KDM4C: variants seen among roughly 807,000 people sequenced by gnomAD.
KDM4C encodes lysine-specific demethylase 4C.
A neutral mutation model predicts 129.3 loss-of-function variants in KDM4C; 81 were observed. That is an observed-to-expected ratio of 0.63 (90% CI 0.52 to 0.75). The LOEUF (loss-of-function observed/expected upper bound fraction) is 0.75. KDM4C is among the 30% of genes least tolerant of loss of function. The pLI is 0.00. For missense variants in KDM4C, 1,457 were observed against 1,304.0 expected (o/e 1.12, Z -1.81); for synonymous variants, 573 against 456.1 (o/e 1.26, Z -3.26).
chr9:6,944,642 C>G (rs1020425997), intron 8 of KDM4C, among the ~76,000 whole-genome samples: 2 of 96,774 alleles, frequency 2.1e-5, no homozygotes, highest in African/African-American at 3.5e-5. Context: ...CACTTTTTGT[C>G]AAGGTAGAGG....
intron 8 of KDM4C, among the ~76,000 whole-genome samples, chr9:6,953,411 T>C (rs548157870): frequency 6.6e-6 from 1 of 152,394 alleles, no homozygotes; most frequent in African/African-American, 2.4e-5. Flanking sequence ...GCTGTTTGCA[T>C]TTATTTTCAA....
intron 8 of KDM4C, among the ~76,000 whole-genome samples, chr9:6,929,494 A>G (rs1237276648): frequency 7.4e-6 from 1 of 135,146 alleles, no homozygotes; most frequent in East Asian, 2.1e-4. Flanking sequence ...TTTTTTTGGC[A>G]ACAATTCAGT....
chr9:6,792,858 G>T, intron 1 of KDM4C, 114 bp from the exon 2 acceptor site: 1 of 1,025,902 alleles, frequency 9.7e-7, no homozygotes, highest in Non-Finnish European at 1.5e-6. Context: ...AGAAGGGAAT[G>T]GGAAGTGACT....
chr9:6,872,740 C>G (rs566986891), intron 5 of KDM4C, among the ~76,000 whole-genome samples: 26 of 152,086 alleles, frequency 1.7e-4, no homozygotes, highest in Non-Finnish European at 3.8e-4. Flanking sequence ...TCCTCCATCC[C>G]TTTATTTTGA....
At chr9:7,060,772 G>C (rs138922596) in intron 17 of KDM4C, among the ~76,000 whole-genome samples, 3 of 152,032 alleles carry the variant, frequency 2.0e-5, no homozygotes, top group African/African-American at 7.3e-5. Context: ...GAGCCACTGT[G>C]CCTGGCCAGG....
At chr9:6,900,451 A>T (rs1817201694) in intron 8 of KDM4C, among the ~76,000 whole-genome samples, 1 of 152,142 alleles carries the variant, frequency 6.6e-6, no homozygotes, top group African/African-American at 2.4e-5. Context: ...ACTCTATCTC[A>T]CAATTGGTTG....
chr9:7,142,499 A>G (rs1457132284), intron 19 of KDM4C, among the ~76,000 whole-genome samples: 1 of 152,118 alleles, frequency 6.6e-6, no homozygotes, highest in African/African-American at 2.4e-5. Context: ...TGCATCTGCT[A>G]TGTTGCCCTG....
At chr9:6,834,873 T>A (rs1170260092) in intron 4 of KDM4C, 1 of 1,320,776 alleles carries the variant, frequency 7.6e-7, no homozygotes, top group East Asian at 2.3e-5. Context: ...CAGCCCGTGC[T>A]GTCCCTGTAC....
In KDM4C at chr9:6,771,080, CTTTTTTTTTT is replaced by C. The variant is rs35945405; in HGVS notation, c.-18+12897_-18+12906del. Among the ~76,000 whole-genome samples, 355 of 56,968 alleles carry C rather than the reference CTTTTTTTTTT, an allele frequency of 6.2e-3. 10 individuals are homozygous for C. Among genetic ancestry groups the C allele is most frequent in the African/African-American group, 0.025 (327 of 13,244 alleles). 37.4% of individuals were successfully genotyped at this position (56,968 alleles called of 152,430 possible). On this transcript the variant is annotated intron_variant, in intron 1 of 21. Transcript: ENST00000381309. ...TGAGCCACTGCGCCCGACTGTGAAT[CTTTTTTTTTT>C]TTTTTTTTTTTTTTTTTTTAAGAGA...
chr9:6,754,120 C>T (rs1425692638), upstream of KDM4C, among the ~76,000 whole-genome samples: 1 of 151,898 alleles, frequency 6.6e-6, no homozygotes, highest in Admixed American at 6.6e-5. Flanking sequence ...AGGTGATCCG[C>T]CCGCCTCGGC....
chr9:7,170,039 G>A (rs1844805080), intron 21 of KDM4C, 149 bp downstream of exon 21: 4 of 1,525,042 alleles, frequency 2.6e-6, no homozygotes, highest in Non-Finnish European at 3.5e-6. Flanking sequence ...GGAACCTATT[G>A]AATGCAAACT....
At chr9:7,134,537 A>T (rs1426862748) in intron 19 of KDM4C, among the ~76,000 whole-genome samples, 1 of 152,226 alleles carries the variant, frequency 6.6e-6, no homozygotes, top group Non-Finnish European at 1.5e-5. Flanking sequence ...CAATTTTTCT[A>T]GGCATTTAAT....
intron 17 of KDM4C, among the ~76,000 whole-genome samples, chr9:7,068,899 G>A (rs1832817936): frequency 6.6e-6 from 1 of 151,752 alleles, no homozygotes; most frequent in Non-Finnish European, 1.5e-5. Context: ...GTTTCATCGT[G>A]TTGGCCAGAC....
intron 17 of KDM4C, among the ~76,000 whole-genome samples, chr9:7,082,566 T>G (rs1308844376): frequency 6.6e-6 from 1 of 152,192 alleles, no homozygotes; most frequent in Non-Finnish European, 1.5e-5. Context: ...TCCGTGAGTC[T>G]CAGGGTGCCT....
intron 17 of KDM4C, among the ~76,000 whole-genome samples, chr9:7,093,203 G>A (rs1836005578): frequency 6.6e-6 from 1 of 152,062 alleles, no homozygotes; most frequent in Admixed American, 6.6e-5. Context: ...CCCCTCTTTT[G>A]AGGACCTGTT....
chr9:6,760,542 T>TTA (rs1819234345), intron 1 of KDM4C, among the ~76,000 whole-genome samples: 2 of 143,880 alleles, frequency 1.4e-5, no homozygotes, highest in African/African-American at 5.2e-5. Flanking sequence ...TGATACTCTT[T>TTA]TTTATTTATT....
rs150102001 is a variant in KDM4C, at chr9:6,822,077, C to T, written c.435+7332C>T. Among the ~76,000 whole-genome samples the T allele has an allele frequency of 3.2e-3, 495 of 152,330 alleles. 5 individuals are homozygous for T. Among genetic ancestry groups the T allele is most frequent in the African/African-American group, 0.011 (460 of 41,560 alleles). On this transcript the variant is annotated intron_variant, in intron 4 of 21. Transcript: ENST00000381309. ...TATTTTTAAAACCAAAAAACCAAGA[C>T]TCTCAAAGGCATGGGGCGAATCCAG...
At position 7,169,049 on chromosome 9, in the gene KDM4C, TA is replaced by T. The variant is rs77258477; in HGVS notation, c.2902-730del. Among the ~76,000 whole-genome samples the T allele has an allele frequency of 2.1e-3, 267 of 128,046 alleles. 2 individuals carry two copies. Among genetic ancestry groups the T allele is most frequent in the Middle Eastern group, 4.1e-3 (1 of 244 alleles). The allele number at this position is 128,046 out of a possible 152,430, so 84.0% of individuals were successfully genotyped here. A position where few individuals can be genotyped will look rare whatever the true frequency, so the allele number is the denominator to read the frequency against. Reference sequence around the variant, plus strand: ...AACAGGGCAAGGCCCTGTCTCAATTTAAAAAAAAAAAAAAAAAAAGGAAATA... The same window carrying T: ...AACAGGGCAAGGCCCTGTCTCAATTTAAAAAAAAAAAAAAAAAAGGAAATA... On this transcript the variant is annotated intron_variant, in intron 20 of 21. Transcript: ENST00000381309.
At chr9:6,867,477 T>A (rs78973590) in intron 5 of KDM4C, among the ~76,000 whole-genome samples, 4,061 of 152,286 alleles carry the variant, frequency 0.027, 88 homozygotes, top group Non-Finnish European at 0.042. Flanking sequence ...AAGGTAAGAT[T>A]ATTTTTTGTT....
Sources: allele counts gnomAD v4.1 joint callset (sites outside exome capture counted in the v4.1 genomes callset), GRCh38; gene constraint gnomAD v4.1.1; transcripts MANE v1.5; gene names NCBI Gene and HGNC (gene_info 2026-07-23, HGNC 2026-07-21).